ANKS1B: variants seen among roughly 807,000 people sequenced by gnomAD.
ANKS1B encodes ankyrin repeat and sterile alpha motif domain containing 1B, also known as ankyrin repeat and sterile alpha motif domain-containing protein 1B.
Under a neutral mutation model 148.3 loss-of-function variants are expected in ANKS1B, and 36 were observed. That is an observed-to-expected ratio of 0.24 (90% confidence interval 0.19 to 0.32). The LOEUF is 0.32. ANKS1B is among the 10% of genes least tolerant of loss of function. The pLI, the probability that ANKS1B is intolerant of heterozygous loss-of-function variation, is 1.00. For missense variants in ANKS1B, 1,157 were observed against 1,542.6 expected (o/e 0.75, Z 4.19); for synonymous variants, 542 against 560.8 (o/e 0.97, Z 0.47).
At chr12:99,502,684 T>C (rs1187418353) in intron 10 of ANKS1B, among the ~76,000 whole-genome samples, 3 of 152,152 alleles carry the variant, frequency 2.0e-5, no homozygotes, top group African/African-American at 7.2e-5. Flanking sequence ...AAAATGAGAA[T>C]AATGATATTA....
chr12:99,464,447 A>C (rs1228328322), intron 10 of ANKS1B, among the ~76,000 whole-genome samples: 1 of 152,244 alleles, frequency 6.6e-6, no homozygotes, highest in Non-Finnish European at 1.5e-5. Flanking sequence ...ACGGAGAATG[A>C]CTTTGACGAG....
intron 17 of ANKS1B, among the ~76,000 whole-genome samples, chr12:99,005,474 G>A (rs1180176221): frequency 1.3e-5 from 2 of 152,166 alleles, no homozygotes; most frequent in Non-Finnish European, 2.9e-5. Flanking sequence ...GTTTTTAAGT[G>A]GATGCCTCCA....
intron 1 of ANKS1B, among the ~76,000 whole-genome samples, chr12:99,944,823 G>C (rs752868663): frequency 1.6e-4 from 25 of 152,192 alleles, no homozygotes; most frequent in Non-Finnish European, 3.7e-4. Flanking sequence ...TCTTGCTAGG[G>C]ATTGCTAGGG....
intron 22 of ANKS1B, among the ~76,000 whole-genome samples, chr12:98,791,857 A>G (rs924999361): frequency 6.6e-6 from 1 of 152,242 alleles, no homozygotes; most frequent in Admixed American, 6.5e-5. Flanking sequence ...AGAGGAACAA[A>G]ACATGATTTT....
At chr12:99,360,669 A>T (rs2092392772) in intron 12 of ANKS1B, among the ~76,000 whole-genome samples, 1 of 152,146 alleles carries the variant, frequency 6.6e-6, no homozygotes, top group Non-Finnish European at 1.5e-5. Flanking sequence ...TGTACAAAAT[A>T]GTGGTTTTCT....
At chr12:99,263,239 A>T (rs1373682372) in intron 12 of ANKS1B, among the ~76,000 whole-genome samples, 1 of 152,040 alleles carries the variant, frequency 6.6e-6, no homozygotes, top group Non-Finnish European at 1.5e-5. Context: ...AAAATGAGGG[A>T]ATTAGCAGAC....
intron 9 of ANKS1B, among the ~76,000 whole-genome samples, chr12:99,593,523 T>C (rs2097725391): frequency 6.6e-6 from 1 of 152,096 alleles, no homozygotes; most frequent in African/African-American, 2.4e-5. Flanking sequence ...TGGCAAATAA[T>C]TTAATGTTAA....
chr12:98,972,063 G>T (rs1401131050), intron 17 of ANKS1B, among the ~76,000 whole-genome samples: 3 of 152,178 alleles, frequency 2.0e-5, no homozygotes, highest in African/African-American at 7.2e-5. Context: ...AGCTACTAGG[G>T]AGGCTGAGGC....
chr12:99,611,578 T>G lies in ANKS1B; in HGVS notation c.1272+43489A>C, dbSNP rs1266425904. Among the ~76,000 whole-genome samples, 2 of 152,128 alleles carry G rather than the reference T, an allele frequency of 1.3e-5. 1 individual carries two copies. The highest frequency in any genetic ancestry group is 2.9e-5 in the Non-Finnish European group (2 of 68,026). On this transcript the variant is annotated intron_variant, in intron 9 of 26. Coordinates refer to ENST00000683438, the MANE Select transcript of ANKS1B (RefSeq NM_001352186.2). ...CCTCTGTGATAAATGAGACAGGGCT[T>G]CGGGGCGTTTCAGCCAGCCTCCCCT...
intron 9 of ANKS1B, among the ~76,000 whole-genome samples, chr12:99,600,152 A>C (rs888586813): frequency 3.3e-5 from 5 of 151,984 alleles, no homozygotes; most frequent in Non-Finnish European, 5.9e-5. Context: ...CTCAGAAAAA[A>C]AAATAGAGCA....
intron 1 of ANKS1B, among the ~76,000 whole-genome samples, chr12:99,921,421 T>A (rs1044737581): frequency 1.3e-5 from 2 of 152,178 alleles, no homozygotes; most frequent in African/African-American, 4.8e-5. Context: ...CTTCCTTTTA[T>A]AAATTACCCA....
intron 14 of ANKS1B, among the ~76,000 whole-genome samples, chr12:99,192,919 C>T (rs1489077357): frequency 2.0e-5 from 3 of 151,968 alleles, no homozygotes; most frequent in Admixed American, 1.3e-4. Flanking sequence ...ATAATAATAA[C>T]TTATGCTACT....
At chr12:98,738,126 T>C (rs1320828715) in intron 9 of ANKS1B, among the ~76,000 whole-genome samples, 3 of 152,240 alleles carry the variant, frequency 2.0e-5, no homozygotes, top group African/African-American at 7.2e-5. Context: ...ATTTGAGACG[T>C]AGCAGAGACC....
intron 19 of ANKS1B, among the ~76,000 whole-genome samples, chr12:98,824,333 T>C (rs1402260897): frequency 1.3e-5 from 2 of 152,180 alleles, no homozygotes; most frequent in East Asian, 3.8e-4. Flanking sequence ...ATGCTAAATA[T>C]GGGTAACACT....
chr12:99,742,538 T>G (rs923021044), intron 8 of ANKS1B, among the ~76,000 whole-genome samples: 1 of 152,054 alleles, frequency 6.6e-6, no homozygotes, highest in East Asian at 1.9e-4. Context: ...TACATTAAAA[T>G]GCACACTAGA....
At chr12:99,274,748 C>G (rs2077471247) in intron 12 of ANKS1B, among the ~76,000 whole-genome samples, 1 of 152,148 alleles carries the variant, frequency 6.6e-6, no homozygotes, top group Non-Finnish European at 1.5e-5. Flanking sequence ...AAAATTTGTT[C>G]TAGTCCTCTA....
At chr12:98,888,281 T>C (rs979380874) in intron 17 of ANKS1B, among the ~76,000 whole-genome samples, 2 of 152,242 alleles carry the variant, frequency 1.3e-5, no homozygotes, top group Non-Finnish European at 2.9e-5. Context: ...GTTTTTAAAA[T>C]TTCAAAAATG....
intron 12 of ANKS1B, among the ~76,000 whole-genome samples, chr12:99,384,256 C>A (rs1176427452): frequency 2.6e-5 from 4 of 152,168 alleles, no homozygotes; most frequent in African/African-American, 9.7e-5. Flanking sequence ...AGTCCAGGCT[C>A]TTCCACTAAC....
chr12:99,618,172 G>T (rs1462376299), intron 9 of ANKS1B, among the ~76,000 whole-genome samples: 1 of 152,040 alleles, frequency 6.6e-6, no homozygotes, highest in Non-Finnish European at 1.5e-5. Flanking sequence ...TTCCCAGGGA[G>T]GCCTCCATTT....
Sources: gnomAD v4.1 joint callset for allele counts (sites outside exome capture counted in the v4.1 genomes callset) on GRCh38, gnomAD v4.1.1 for gene constraint, MANE v1.5 for transcripts, NCBI Gene and HGNC (gene_info 2026-07-23, HGNC 2026-07-21) for gene names.